Variants in TCHP observed in about 807,000 individuals in gnomAD.
TCHP encodes the protein trichoplein keratin filament binding.
TCHP carries 81 observed loss-of-function variants against 88.7 expected under a neutral mutation model. That is an observed-to-expected ratio of 0.91 (90% CI 0.76 to 1.10). The LOEUF (loss-of-function observed/expected upper bound fraction) is 1.10. TCHP is among the 50% of genes least tolerant of loss of function. The probability of loss-of-function intolerance (pLI) is 0.00; values close to 1 mark genes in which losing one functional copy is unlikely to be tolerated. For missense variants in TCHP, 641 were observed against 632.1 expected, an observed-to-expected ratio of 1.01 and a Z score of -0.15; for synonymous variants, 232 against 232.5, an observed-to-expected ratio of 1.00 and a Z score of 0.02.
the TCHP span, among the ~76,000 whole-genome samples, chr12:109,891,044 G>T: frequency 1.3e-5 from 2 of 152,192 alleles, no homozygotes; most frequent in South Asian, 4.1e-4. Context: ...AACCCCTAGG[G>T]TATTTGTTCC....
rs1270467628 is a variant in TCHP at position 109,911,120 on chromosome 12, C to T, written c.937C>T (p.Leu313Phe). The change falls in exon 9 of 13, where the codon CTC becomes TTC. Residue 313 changes from leucine to phenylalanine, a missense_variant. Transcript: ENST00000405876. ...LLEKEDESQR[L>F]HLARREQVMA... The stretch of plus-strand genomic sequence containing the variant: ...CGAGAAGGAGGACGAGAGCCAGCGC[C>T]TCCACCTGGCCAGGCGGGAGCAGGT... 4 of 1,597,248 alleles carry T rather than the reference C, an allele frequency of 2.5e-6. No individual in the cohort carries two copies. In the Admixed American group the frequency reaches 5.2e-5, roughly 21 times the overall value.
upstream of TCHP, among the ~76,000 whole-genome samples, chr12:109,896,020 C>T (rs1038411291): frequency 6.6e-6 from 1 of 152,026 alleles, no homozygotes; most frequent in Non-Finnish European, 1.5e-5. Flanking sequence ...GATTTCGGCT[C>T]ACTGCAACCT....
upstream of TCHP, among the ~76,000 whole-genome samples, chr12:109,895,457 G>GATCCTCCTC (rs1457814246): frequency 6.6e-6 from 1 of 151,916 alleles, no homozygotes; most frequent in Non-Finnish European, 1.5e-5. Context: ...GGGTTCAAGC[G>GATCCTCCTC]ATCCTCCTCG....
rs367791718 is a variant in TCHP, at chr12:109,903,226, G to A, written c.188+12G>A. 13 of 1,598,882 alleles carry A rather than the reference G, an allele frequency of 8.1e-6. No individual in the cohort carries two copies. The East Asian group carries it at 1.3e-4, about 17-fold the overall frequency. ...TCCTACCAGCGGAGGTAATTGTGCG[G>A]TAACTGCCGATTGGATGGAAGTGGG... is the stretch of plus-strand genomic sequence containing the variant. On this transcript the variant is annotated intron_variant, in intron 2 of 12. Transcript: ENST00000405876. The surrounding 1 kb of genome is among the most constrained non-coding windows in gnomAD (Gnocchi z 4.6).
At chr12:109,894,390 G>A in the TCHP span, among the ~76,000 whole-genome samples, 1 of 151,376 alleles carries the variant, frequency 6.6e-6, no homozygotes, top group African/African-American at 2.4e-5. Context: ...AACCCGGGAA[G>A]CCGAGCTTGC....
Position 109,908,627 on chromosome 12 carries a change from G to A in TCHP, c.741G>A (p.Gln247=). ...LKKEQENLLK[Q]RWELERLEEE... is the part of the protein sequence containing the mutation. ...AGGAGCAGGAGAATCTGTTGAAGCA[G>A]CGGTGGGAGCTAGAGAGGCTGGAGG... is the stretch of plus-strand genomic sequence containing the variant. The change falls in exon 7 of 13, where the codon CAG becomes CAA. Residue 247 remains glutamine (Q), a synonymous_variant. Coordinates refer to ENST00000405876, the MANE Select transcript of TCHP (RefSeq NM_001143852.2). 6.2e-7 allele frequency: 1 copy of A among 1,603,164 alleles called. No homozygotes were observed. Among genetic ancestry groups the A allele is most frequent in the Non-Finnish European group, 8.5e-7 (1 of 1,176,174 alleles).
Position 109,903,038 on chromosome 12 carries a change from G to T in TCHP, c.12G>T (p.Pro4=). The T allele has an allele frequency of 6.3e-7, 1 of 1,599,422 alleles. No individual in the cohort carries two copies. The highest frequency in any genetic ancestry group is 1.1e-5 in the South Asian group (1 of 89,708). The change falls in exon 2 of 13, where the codon CCG becomes CCT. Residue 4 remains proline, a synonymous_variant. Coordinates refer to ENST00000405876, the MANE Select transcript of TCHP (RefSeq NM_001143852.2). This position sits in a 1 kb window ranked among gnomAD's most constrained non-coding sequence, Gnocchi z 4.6. MAL[P]TLPSYWCSQQ... Reference sequence around the variant, plus strand: ...ATTCCTGTTCTCAGATGGCGCTCCCGACGCTGCCGTCCTACTGGTGCAGCC... The same window carrying T: ...ATTCCTGTTCTCAGATGGCGCTCCCTACGCTGCCGTCCTACTGGTGCAGCC...
the TCHP span, among the ~76,000 whole-genome samples, chr12:109,890,036 T>C: frequency 2.6e-5 from 4 of 152,210 alleles, no homozygotes; most frequent in African/African-American, 9.7e-5. Context: ...TTTTGGACAT[T>C]TTTTCAGTTA....
In TCHP at chr12:109,911,183, G is replaced by T; in HGVS notation, c.1000G>T (p.Glu334Ter). Residue 334 changes from glutamate (E) to a stop codon, truncating the protein, a stop_gained, in exon 9 of 13, where the codon GAG (glutamate) becomes TAG (stop). Coordinates refer to ENST00000405876, the MANE Select transcript of TCHP (RefSeq NM_001143852.2). LOFTEE classifies it high-confidence loss of function. ...GGCCTGGATGAAGCAGGCCATTGAG[G>T]AGCAGCTGCAGCTGGAGCGGGCGCG... ...DVAWMKQAIE[E>*]QLQLERAREA... 1.3e-6 allele frequency: 2 copies of T among 1,591,414 alleles called. No homozygotes were observed. The highest frequency in any genetic ancestry group is 2.3e-5 in the South Asian group (2 of 87,284).
upstream of TCHP, among the ~76,000 whole-genome samples, chr12:109,899,270 T>C (rs1028047280): frequency 1.3e-5 from 2 of 152,242 alleles, no homozygotes; most frequent in African/African-American, 4.8e-5. Context: ...TGGCATGTAA[T>C]ACTTGTAGCA....
upstream of TCHP, among the ~76,000 whole-genome samples, chr12:109,897,998 G>A (rs1869606332): frequency 6.6e-6 from 1 of 152,290 alleles, no homozygotes; most frequent in Non-Finnish European, 1.5e-5. Flanking sequence ...GAGTGGCCAT[G>A]AATTTGCCCA....
Position 109,906,553 on chromosome 12 carries a change from G to A in TCHP, c.457-19G>A, listed in dbSNP as rs376289223. 33 of 1,612,118 alleles carry A rather than the reference G, an allele frequency of 2.0e-5. No homozygotes were observed. The highest frequency in any genetic ancestry group is 1.7e-4 in the African/African-American group (13 of 74,846). On this transcript the variant is annotated intron_variant, in intron 4 of 12. Coordinates refer to ENST00000405876, the MANE Select transcript of TCHP (RefSeq NM_001143852.2). Reference sequence around the variant, plus strand: ...TCTGTCTGGTGAGGAAATTCACATCGTCCCCCTTCCATCCTCAGATGGAGC... The same window carrying A: ...TCTGTCTGGTGAGGAAATTCACATCATCCCCCTTCCATCCTCAGATGGAGC...
the TCHP span, among the ~76,000 whole-genome samples, chr12:109,893,617 CT>C: frequency 6.6e-6 from 1 of 152,176 alleles, no homozygotes; most frequent in East Asian, 1.9e-4. Context: ...GGCTGATGCC[CT>C]TGTGGCTCTT....
intron 8 of TCHP, among the ~76,000 whole-genome samples, chr12:109,910,162 T>C (rs1870405348): frequency 6.6e-6 from 1 of 152,192 alleles, no homozygotes; most frequent in Non-Finnish European, 1.5e-5. Flanking sequence ...AAGGTCATTA[T>C]GCTTAGATTG....
chr12:109,895,306 C>T (rs115137196), upstream of TCHP, among the ~76,000 whole-genome samples: 2,571 of 149,900 alleles, frequency 0.017, 74 homozygotes, highest in African/African-American at 0.06. Context: ...ACTTCCCAGG[C>T]TCAGGCAATC....
At chr12:109,898,632 A>G (rs1184112593), upstream of TCHP, among the ~76,000 whole-genome samples, 4 of 152,128 alleles carry the variant, frequency 2.6e-5, no homozygotes, top group Non-Finnish European at 5.9e-5. Context: ...TTCTGACTGT[A>G]GAGACCATGT....
intron 12 of TCHP, among the ~76,000 whole-genome samples, 181 bp downstream of exon 12, chr12:109,915,727 G>C (rs1328954044): frequency 6.6e-6 from 1 of 152,208 alleles, no homozygotes; most frequent in Non-Finnish European, 1.5e-5. Context: ...TGACACAGGG[G>C]CTGTTCCAGT....
intron 4 of TCHP, 70 bp downstream of exon 4, chr12:109,904,863 G>C: frequency 7.4e-7 from 1 of 1,359,992 alleles, no homozygotes; most frequent in South Asian, 1.2e-5. Flanking sequence ...TTTTTTTTTT[G>C]AACACGTATC....
the TCHP span, among the ~76,000 whole-genome samples, chr12:109,888,779 T>C: frequency 6.6e-6 from 1 of 152,216 alleles, no homozygotes; most frequent in Admixed American, 6.5e-5. Flanking sequence ...CCTGTGTCAG[T>C]TTCCTGTGGC....
Sources: gnomAD v4.1 joint callset for allele counts (sites outside exome capture counted in the v4.1 genomes callset) on GRCh38, gnomAD v4.1.1 for gene constraint, Gnocchi (gnomAD v3.1) non-coding constraint, MANE v1.5 for transcripts, NCBI Gene and HGNC (gene_info 2026-07-23, HGNC 2026-07-21) for gene names.